The following IL1RAP variants were observed in gnomAD, a reference collection of about 807,000 sequenced individuals.
IL1RAP encodes the protein interleukin 1 receptor accessory protein.
In IL1RAP, 35 loss-of-function variants were observed where a neutral mutation model predicts 60.7. The ratio of observed to expected loss-of-function variants is 0.58; its 90% CI spans 0.44 to 0.76. IL1RAP has a LOEUF of 0.76. Among genes scored for constraint, IL1RAP ranks in the 30% least tolerant of loss-of-function variants. The probability of loss-of-function intolerance (pLI) is 0.00; values close to 1 mark genes in which losing one functional copy is unlikely to be tolerated. For synonymous variants in IL1RAP, 268 were observed against 250.9 expected, an observed-to-expected ratio of 1.07 and a Z score of -0.64; for missense variants, 572 against 693.9, an observed-to-expected ratio of 0.82 and a Z score of 1.97.
chr3:190,569,063 G>A (rs1314553976), intron 3 of IL1RAP, among the ~76,000 whole-genome samples: 1 of 152,190 alleles, frequency 6.6e-6, no homozygotes, highest in African/African-American at 2.4e-5. Context: ...TCTTATTTGG[G>A]AATGAAATAG....
intron 1 of IL1RAP, among the ~76,000 whole-genome samples, chr3:190,527,599 G>T (rs1205190301): frequency 6.6e-6 from 1 of 151,820 alleles, no homozygotes; most frequent in Admixed American, 6.6e-5. Context: ...TGACCTGGAA[G>T]AAGCTGGTAC....
chr3:190,657,311 C>A (rs985756941), exon 12 of IL1RAP: 12 of 151,906 alleles, frequency 7.9e-5, no homozygotes, highest in African/African-American at 2.9e-4. Context: ...GGTTTAGGTA[C>A]CAGAAAAACT....
At chr3:190,530,936 C>T (rs1560143548) in intron 1 of IL1RAP, among the ~76,000 whole-genome samples, 1 of 129,772 alleles carries the variant, frequency 7.7e-6, no homozygotes, top group African/African-American at 3.8e-5. Context: ...GTTGTGATGA[C>T]CATCAAGTGG....
At chr3:190,572,168 G>A (rs1222327851) in intron 3 of IL1RAP, among the ~76,000 whole-genome samples, 6 of 152,080 alleles carry the variant, frequency 3.9e-5, no homozygotes, top group East Asian at 3.9e-4. Flanking sequence ...CTTCTCTAGC[G>A]TTTGGGACTT....
rs751471308 is a variant in IL1RAP at position 190,648,399 on chromosome 3, C to T, written c.1407C>T (p.Ser469=). 3 of 1,613,430 alleles carry T rather than the reference C, an allele frequency of 1.9e-6. No individual in the cohort carries two copies. The highest frequency in any genetic ancestry group is 2.5e-6 in the Non-Finnish European group (3 of 1,179,774). ...GCAGACGCCTCCTGGTTGTTCTAAG[C>T]CCCAACTACGTGCTCCAGGGAACCC... ...QKSRRLLVVL[S]PNYVLQGTQA... is the part of the protein sequence containing the mutation. The change falls in exon 12 of 12, where the codon AGC becomes AGT. Residue 469 remains serine (S), a synonymous_variant. Coordinates refer to ENST00000447382, the MANE Select transcript of IL1RAP (RefSeq NM_002182.4).
intron 6 of IL1RAP, among the ~76,000 whole-genome samples, chr3:190,620,931 A>G (rs953332323): frequency 2.0e-5 from 3 of 152,184 alleles, no homozygotes; most frequent in African/African-American, 4.8e-5. Flanking sequence ...TGCTGTACCT[A>G]TTGCTGAAGG....
At chr3:190,545,962 C>T (rs530442725) in intron 1 of IL1RAP, among the ~76,000 whole-genome samples, 5 of 152,196 alleles carry the variant, frequency 3.3e-5, no homozygotes, top group African/African-American at 4.8e-5. Context: ...TTTCATTCCC[C>T]GCGTAGTCAT....
intron 5 of IL1RAP, among the ~76,000 whole-genome samples, chr3:190,615,705 T>G (rs1350746098): frequency 1.3e-5 from 1 of 75,060 alleles, no homozygotes; most frequent in East Asian, 4.8e-4. Flanking sequence ...ATATATTACC[T>G]CCACTTTTCA....
intron 3 of IL1RAP, among the ~76,000 whole-genome samples, chr3:190,597,215 T>C (rs2108734751): frequency 6.6e-6 from 1 of 152,304 alleles, no homozygotes; most frequent in East Asian, 1.9e-4. Flanking sequence ...CCAGAAATCT[T>C]GGTGATTGAC....
chr3:190,633,521 T>C (rs777293977), intron 9 of IL1RAP, among the ~76,000 whole-genome samples: 3 of 152,064 alleles, frequency 2.0e-5, no homozygotes, highest in Non-Finnish European at 4.4e-5. Context: ...CATACCCGGC[T>C]AATTTTTATA....
At chr3:190,515,366 C>T (rs777237516) in intron 1 of IL1RAP, among the ~76,000 whole-genome samples, 3 of 151,896 alleles carry the variant, frequency 2.0e-5, no homozygotes, top group Non-Finnish European at 4.4e-5. Context: ...CTGGTTGGTT[C>T]AAAACCAATG....
chr3:190,655,289 G>T (rs1439944500), downstream of IL1RAP, among the ~76,000 whole-genome samples: 1 of 151,976 alleles, frequency 6.6e-6, no homozygotes, highest in Non-Finnish European at 1.5e-5. Context: ...GAGGAAAATG[G>T]TAAACATGCA....
At chr3:190,603,617 G>A (rs570917689) in intron 3 of IL1RAP, among the ~76,000 whole-genome samples, 10 of 152,102 alleles carry the variant, frequency 6.6e-5, no homozygotes, top group South Asian at 4.1e-4. Flanking sequence ...AATTAATTTC[G>A]TCTGCTTTGT....
chr3:190,645,506 G>A (rs912928581), intron 10 of IL1RAP, among the ~76,000 whole-genome samples, 193 bp from the exon 11 acceptor site: 3 of 152,160 alleles, frequency 2.0e-5, no homozygotes, highest in African/African-American at 7.2e-5. Context: ...TGAGAGTTGA[G>A]GATATATCAG....
In IL1RAP at chr3:190,646,612, T is replaced by C. The variant is rs548383418; in HGVS notation, c.1345+770T>C. ...TAATTTTTCATTGGTGTCTTTTTAA[T>C]AAATATATAAGTTACATTCCCAAAC... On this transcript the variant is annotated intron_variant, in intron 11 of 11. Transcript: ENST00000447382. 1.7e-4 allele frequency among the ~76,000 whole-genome samples: 26 copies of C among 152,322 alleles called. 1 individual carries two copies. The South Asian group carries it at 5.4e-3, about 32-fold the overall frequency.
At chr3:190,571,584 A>T (rs1252193716) in intron 3 of IL1RAP, among the ~76,000 whole-genome samples, 1 of 152,220 alleles carries the variant, frequency 6.6e-6, no homozygotes, top group Non-Finnish European at 1.5e-5. Context: ...TAGATGAGAG[A>T]TTAAATTGTA....
rs957149668 is a variant in IL1RAP, at chr3:190,592,511, C to T, written c.65-11617C>T. The stretch of plus-strand genomic sequence containing the variant: ...TGAGATATGGAAACAGCCTGGAGAC[C>T]TTCAGCAGCTTCGTTAGACCAGGAA... On this transcript the variant is annotated intron_variant, in intron 3 of 11. Transcript: ENST00000447382. Among the ~76,000 whole-genome samples the T allele has an allele frequency of 7.9e-5, 12 of 152,294 alleles. 1 individual carries two copies. Among genetic ancestry groups the T allele is most frequent in the Admixed American group, 4.6e-4 (7 of 15,300 alleles).
Position 190,527,826 on chromosome 3 carries a change from TACACACAC to T in IL1RAP, c.-89+13644_-89+13651del, listed in dbSNP as rs10602405. On this transcript the variant is annotated intron_variant, in intron 1 of 11. Transcript: ENST00000447382. ...TGATAAATTATTTTAAGGAAAGGTCTACACACACACACACACACACACACACACACACA... is the reference window on the plus strand; with the variant it reads ...TGATAAATTATTTTAAGGAAAGGTCTACACACACACACACACACACACACA... Among the ~76,000 whole-genome samples, 582 of 139,654 alleles carry T rather than the reference TACACACAC, an allele frequency of 4.2e-3. 3 individuals are homozygous for T. The highest frequency in any genetic ancestry group is 9.7e-3 in the Admixed American group (134 of 13,870). 91.6% of individuals were successfully genotyped at this position (139,654 alleles called of 152,430 possible).
chr3:190,589,584 G>A (rs960640177), intron 3 of IL1RAP, among the ~76,000 whole-genome samples: 13 of 152,252 alleles, frequency 8.5e-5, no homozygotes, highest in African/African-American at 2.6e-4. Flanking sequence ...TTTACTCCAG[G>A]CAGTTTCCTG....
Sources: allele counts gnomAD v4.1 joint callset (sites outside exome capture counted in the v4.1 genomes callset), GRCh38; gene constraint gnomAD v4.1.1; transcripts MANE v1.5; gene names NCBI Gene and HGNC (gene_info 2026-07-23, HGNC 2026-07-21).